The following FAM78B variants were observed in gnomAD, a reference collection of about 807,000 sequenced individuals.
The protein encoded by FAM78B is protein FAM78B.
Under a neutral mutation model 20.0 loss-of-function variants are expected in FAM78B, and 10 were observed. The ratio of observed to expected loss-of-function variants is 0.50; its 90% CI spans 0.31 to 0.85. The LOEUF (loss-of-function observed/expected upper bound fraction) is 0.85, where lower values mean the gene tolerates loss of function less well. FAM78B is among the 40% of genes least tolerant of loss of function. The pLI is 0.05. For synonymous variants in FAM78B, 135 were observed against 132.8 expected (o/e 1.02, Z -0.12); for missense variants, 283 against 345.0 (o/e 0.82, Z 1.42).
At chr1:166,056,605 A>G (rs1429274854), downstream of FAM78B, among the ~76,000 whole-genome samples, 1 of 152,218 alleles carries the variant, frequency 6.6e-6, no homozygotes, top group African/African-American at 2.4e-5. Context: ...TAACTGCCTC[A>G]GGAACTCAAA....
intron 1 of FAM78B, among the ~76,000 whole-genome samples, chr1:166,148,674 G>A (rs553299977): frequency 1.3e-5 from 2 of 152,316 alleles, no homozygotes; most frequent in South Asian, 2.1e-4. Context: ...GGAACTCAAC[G>A]GAAATGAGAG....
chr1:166,089,131 C>G (rs554009243), intron 1 of FAM78B, among the ~76,000 whole-genome samples: 3 of 152,198 alleles, frequency 2.0e-5, no homozygotes, highest in Non-Finnish European at 4.4e-5. Context: ...ACCCAAGTGT[C>G]ACTTCCTCTG....
At chr1:166,133,529 CTG>C (rs71720398) in intron 1 of FAM78B, among the ~76,000 whole-genome samples, 24,648 of 151,024 alleles carry the variant, frequency 0.16, 2,165 homozygotes, top group South Asian at 0.27. Context: ...AAATGTGTAA[CTG>C]TTAATTTCAA....
At chr1:166,139,094 C>G (rs915430262) in intron 1 of FAM78B, among the ~76,000 whole-genome samples, 4 of 152,098 alleles carry the variant, frequency 2.6e-5, no homozygotes, top group Non-Finnish European at 5.9e-5. Flanking sequence ...AGGGGGACAC[C>G]AGAAATTTTT....
chr1:166,099,719 A>G (rs1290525417), intron 1 of FAM78B, among the ~76,000 whole-genome samples: 1 of 152,214 alleles, frequency 6.6e-6, no homozygotes, highest in Non-Finnish European at 1.5e-5. Flanking sequence ...TCCAAAAGGA[A>G]AATATCACAA....
At chr1:166,121,848 C>T (rs892040364) in intron 1 of FAM78B, among the ~76,000 whole-genome samples, 5 of 152,134 alleles carry the variant, frequency 3.3e-5, no homozygotes, top group Admixed American at 1.3e-4. Context: ...GGTCCTCACT[C>T]CTACTGACTA....
intron 1 of FAM78B, among the ~76,000 whole-genome samples, chr1:166,087,828 G>C (rs557736296): frequency 6.6e-5 from 10 of 152,278 alleles, no homozygotes; most frequent in African/African-American, 2.2e-4. Context: ...ATGTGGGCAG[G>C]GGGTGGGCAG....
chr1:166,165,974 C>A lies in FAM78B; in HGVS notation c.263+12G>T. 5.0e-6 allele frequency: 8 copies of A among 1,613,292 alleles called. No homozygotes were observed. Among genetic ancestry groups the A allele is most frequent in the Non-Finnish European group, 5.9e-6 (7 of 1,179,800 alleles). On this transcript the variant is annotated intron_variant, in intron 1 of 1. Transcript: ENST00000354422. Reference sequence around the variant, plus strand: ...CAGAGTCCGCTCCCGTGCCGCGCGGCGAGTCGCTTACATGCCCAGGTCGCT... The same window carrying A: ...CAGAGTCCGCTCCCGTGCCGCGCGGAGAGTCGCTTACATGCCCAGGTCGCT...
chr1:166,148,490 T>C (rs906436593), intron 1 of FAM78B, among the ~76,000 whole-genome samples: 13 of 152,260 alleles, frequency 8.5e-5, no homozygotes, highest in South Asian at 2.1e-4. Flanking sequence ...TTTCATTATA[T>C]GTGAAACAGA....
chr1:166,141,777 T>C (rs1655288214), intron 1 of FAM78B, among the ~76,000 whole-genome samples: 1 of 152,212 alleles, frequency 6.6e-6, no homozygotes, highest in Admixed American at 6.5e-5. Flanking sequence ...TGTTGGCTTT[T>C]GCATGGACAC....
At position 166,078,319 on chromosome 1, in the gene FAM78B, G is replaced by A. The variant is rs12032696; in HGVS notation, c.264-7556C>T. Among the ~76,000 whole-genome samples the A allele has an allele frequency of 3.4e-4, 52 of 152,162 alleles. No homozygotes were observed. The East Asian group carries it at 5.0e-3, about 15-fold the overall frequency. On this transcript the variant is annotated intron_variant, in intron 1 of 1. Coordinates refer to ENST00000354422, the MANE Select transcript of FAM78B (RefSeq NM_001017961.5). ...GCTGGGATTACAGGCGTGAGCCACC[G>A]TGCCTGGCCGTCAATATTAGTTATT... is the stretch of plus-strand genomic sequence containing the variant.
At chr1:166,134,101 G>T (rs911395645) in intron 1 of FAM78B, among the ~76,000 whole-genome samples, 1 of 152,182 alleles carries the variant, frequency 6.6e-6, no homozygotes, top group Non-Finnish European at 1.5e-5. Flanking sequence ...GCTGTCAGGG[G>T]TTTTTCTGCA....
chr1:166,139,713 G>T (rs562941918), intron 1 of FAM78B, among the ~76,000 whole-genome samples: 5 of 152,262 alleles, frequency 3.3e-5, no homozygotes, highest in Admixed American at 6.5e-5. Context: ...CTGCAGGGCT[G>T]GTCTTAACCA....
intron 1 of FAM78B, among the ~76,000 whole-genome samples, chr1:166,109,890 G>GTATATATGTATATATATATATATATA (rs1557903394): frequency 4.3e-5 from 1 of 23,186 alleles, no homozygotes; most frequent in Non-Finnish European, 1.1e-4. Context: ...ATGTATATAT[G>GTATATATGTATATATATATATATATA]TATATATATA....
At chr1:166,080,241 G>C (rs983972728) in intron 1 of FAM78B, among the ~76,000 whole-genome samples, 2 of 152,180 alleles carry the variant, frequency 1.3e-5, no homozygotes, top group African/African-American at 4.8e-5. Context: ...GACCATGCCA[G>C]TTGTTAAAAT....
rs866759967 is a variant in FAM78B, at chr1:166,069,908, G to A, written c.*333C>T. 4 of 922,662 alleles carry A rather than the reference G, an allele frequency of 4.3e-6. No homozygotes were observed. The East Asian group carries it at 2.7e-4, about 62-fold the overall frequency. 57.2% of individuals were successfully genotyped at this position (922,662 alleles called of 1,614,324 possible). ...TTTGCCACAGGCACTGTTTAATTTC[G>A]TTTCCATCCCCTGCATCTCACAGGA... On this transcript the variant is annotated 3_prime_UTR_variant, in exon 2 of 2. Transcript: ENST00000354422.
intron 1 of FAM78B, among the ~76,000 whole-genome samples, chr1:166,127,038 A>C (rs1654670644): frequency 6.6e-6 from 1 of 152,236 alleles, no homozygotes; most frequent in Non-Finnish European, 1.5e-5. Flanking sequence ...AAGGAATAAA[A>C]GATTTTGAGG....
At chr1:166,060,571 G>T in exon 3 of FAM78B, 1 of 1,280,814 alleles carries the variant, frequency 7.8e-7, no homozygotes, top group Non-Finnish European at 1.0e-6. Context: ...CAGGGATTCA[G>T]CTTCTGGAGC....
chr1:166,156,558 C>T lies in FAM78B; in HGVS notation c.263+9428G>A, dbSNP rs547460726. ...TTTAATCTCCTTAGGCCTCAGCTTG[C>T]TTATCTGAAATAGGAATAACTGTTG... is the stretch of plus-strand genomic sequence containing the variant. On this transcript the variant is annotated intron_variant, in intron 1 of 1. Transcript: ENST00000354422. Among the ~76,000 whole-genome samples the T allele has an allele frequency of 5.9e-5, 9 of 152,278 alleles. No individual in the cohort carries two copies. In the East Asian group the frequency reaches 1.7e-3, roughly 29 times the overall value.
Sources: gnomAD v4.1 joint callset for allele counts (sites outside exome capture counted in the v4.1 genomes callset) on GRCh38, gnomAD v4.1.1 for gene constraint, MANE v1.5 for transcripts, NCBI Gene and HGNC (gene_info 2026-07-23, HGNC 2026-07-21) for gene names.